The following ROBO1 variants were observed in gnomAD, a reference collection of about 807,000 sequenced individuals.
ROBO1 encodes the protein roundabout homolog 1.
Under a neutral mutation model 195.9 loss-of-function variants are expected in ROBO1, and 149 were observed. That is an observed-to-expected ratio of 0.76 (90% confidence interval 0.67 to 0.87). The LOEUF (loss-of-function observed/expected upper bound fraction) is 0.87. Among genes scored for constraint, ROBO1 ranks in the 40% least tolerant of loss-of-function variants. ROBO1 has a pLI of 0.00. For missense variants in ROBO1, 1,933 were observed against 2,068.3 expected (o/e 0.93, Z 1.27); for synonymous variants, 816 against 733.2 (o/e 1.11, Z -1.82).
At chr3:79,299,879 C>G (rs2032809078) in intron 2 of ROBO1, among the ~76,000 whole-genome samples, 1 of 150,496 alleles carries the variant, frequency 6.6e-6, no homozygotes, top group Non-Finnish European at 1.5e-5. Context: ...AGAAAGTCTA[C>G]TAAATTCTCT....
intron 2 of ROBO1, among the ~76,000 whole-genome samples, chr3:79,417,372 G>A (rs2038048916): frequency 6.6e-6 from 1 of 152,128 alleles, no homozygotes; most frequent in African/African-American, 2.4e-5. Flanking sequence ...ACAATCATGT[G>A]AGTGAGTTGA....
At chr3:78,700,462 G>A (rs2081394330) in intron 8 of ROBO1, among the ~76,000 whole-genome samples, 1 of 152,100 alleles carries the variant, frequency 6.6e-6, no homozygotes, top group Admixed American at 6.5e-5. Flanking sequence ...GAATGATAAC[G>A]TTATTCAACT....
chr3:79,514,131 A>G (rs78805880), intron 2 of ROBO1, among the ~76,000 whole-genome samples: 1,620 of 152,308 alleles, frequency 0.011, 27 homozygotes, highest in African/African-American at 0.037. Context: ...AACACAGAGA[A>G]AGAATAGCTT....
chr3:79,197,437 A>C (rs2081660010), intron 2 of ROBO1, among the ~76,000 whole-genome samples: 1 of 152,066 alleles, frequency 6.6e-6, no homozygotes, highest in Non-Finnish European at 1.5e-5. Context: ...CCAGTCTATC[A>C]TTAATGGACA....
intron 2 of ROBO1, among the ~76,000 whole-genome samples, chr3:79,199,456 A>G (rs1350845213): frequency 2.0e-5 from 3 of 151,790 alleles, no homozygotes; most frequent in South Asian, 2.1e-4. Context: ...AATGGCTCCA[A>G]CTGGAATTTT....
chr3:79,560,610 T>C (rs1298750710), intron 2 of ROBO1, among the ~76,000 whole-genome samples: 1 of 146,938 alleles, frequency 6.8e-6, no homozygotes, highest in African/African-American at 2.6e-5. Context: ...ACCAGTTAGG[T>C]AGTGACAGTC....
chr3:79,308,668 T>A (rs191189602), intron 2 of ROBO1, among the ~76,000 whole-genome samples: 1 of 152,278 alleles, frequency 6.6e-6, no homozygotes, highest in Non-Finnish European at 1.5e-5. Flanking sequence ...AAAATGAGGC[T>A]TGAAAGGAAA....
At chr3:79,626,572 C>G (rs1048795989) in intron 1 of ROBO1, among the ~76,000 whole-genome samples, 25 of 152,142 alleles carry the variant, frequency 1.6e-4, no homozygotes, top group African/African-American at 5.8e-4. Context: ...TGGAAGCATT[C>G]CCTTTGAAAA....
intron 2 of ROBO1, among the ~76,000 whole-genome samples, chr3:79,502,105 C>G (rs377469078): frequency 1.6e-4 from 24 of 152,324 alleles, no homozygotes; most frequent in Admixed American, 1.0e-3. Context: ...GCAGCCCTCG[C>G]AGCCCTCACT....
intron 2 of ROBO1, among the ~76,000 whole-genome samples, chr3:79,551,439 GAA>G: frequency 6.6e-6 from 1 of 151,336 alleles, no homozygotes; most frequent in Non-Finnish European, 1.5e-5. Flanking sequence ...GTTAAATAAT[GAA>G]AGTTGTTTTG....
chr3:79,569,660 T>G (rs1943207523), intron 2 of ROBO1, among the ~76,000 whole-genome samples: 1 of 143,668 alleles, frequency 7.0e-6, no homozygotes, highest in Non-Finnish European at 1.5e-5. Context: ...TGTGTGTGTG[T>G]GTGTGTGTGT....
intron 4 of ROBO1, among the ~76,000 whole-genome samples, chr3:78,786,840 A>G (rs564947207): frequency 1.3e-5 from 2 of 152,274 alleles, no homozygotes. Flanking sequence ...GTATTTCTTC[A>G]TAGCAGTATG....
chr3:78,719,533 C>T (rs539719928), intron 5 of ROBO1, among the ~76,000 whole-genome samples: 1 of 151,982 alleles, frequency 6.6e-6, no homozygotes, highest in East Asian at 1.9e-4. Context: ...TACATATACA[C>T]ATATAAACAT....
intron 2 of ROBO1, among the ~76,000 whole-genome samples, chr3:79,151,065 G>A (rs141223664): frequency 0.024 from 3,610 of 151,860 alleles, 68 homozygotes; most frequent in Non-Finnish European, 0.038. Flanking sequence ...CATGAGATCT[G>A]ATGGTTTTAT....
At chr3:79,711,140 T>C (rs1417624244) in intron 1 of ROBO1, among the ~76,000 whole-genome samples, 1 of 152,148 alleles carries the variant, frequency 6.6e-6, no homozygotes, top group Non-Finnish European at 1.5e-5. Context: ...TGAATCTACT[T>C]GTGAGTCCTG....
intron 2 of ROBO1, among the ~76,000 whole-genome samples, chr3:79,149,190 T>C (rs1331534880): frequency 6.6e-6 from 1 of 151,976 alleles, no homozygotes; most frequent in Non-Finnish European, 1.5e-5. Flanking sequence ...CAGATAATTA[T>C]ATCACGTTTA....
intron 4 of ROBO1, among the ~76,000 whole-genome samples, chr3:78,864,779 C>T (rs969010636): frequency 1.1e-4 from 16 of 150,696 alleles, no homozygotes; most frequent in African/African-American, 3.9e-4. Context: ...AGTCACCTCT[C>T]TAGTTTAACC....
At chr3:79,650,571 A>AT (rs1299200624) in intron 1 of ROBO1, among the ~76,000 whole-genome samples, 1 of 151,814 alleles carries the variant, frequency 6.6e-6, no homozygotes, top group Non-Finnish European at 1.5e-5. Flanking sequence ...GATTAAGTTC[A>AT]TTGAAGTATT....
chr3:79,684,865 G>T (rs770887800), intron 1 of ROBO1, among the ~76,000 whole-genome samples: 7 of 151,736 alleles, frequency 4.6e-5, no homozygotes, highest in Non-Finnish European at 1.0e-4. Context: ...TAGTAGAGAC[G>T]GGGTTTCACC....
Sources: allele counts gnomAD v4.1 joint callset (sites outside exome capture counted in the v4.1 genomes callset), GRCh38; gene constraint gnomAD v4.1.1; transcripts MANE v1.5; gene names NCBI Gene and HGNC (gene_info 2026-07-23, HGNC 2026-07-21).